The following MARVELD2 variants were observed in gnomAD, a reference collection of about 807,000 sequenced individuals.
MARVELD2 encodes MARVEL domain containing 2.
Under a neutral mutation model 57.6 loss-of-function variants are expected in MARVELD2, and 49 were observed. The ratio of observed to expected loss-of-function variants is 0.85; its 90% confidence interval spans 0.68 to 1.08. MARVELD2 has a LOEUF of 1.08. Among genes scored for constraint, MARVELD2 ranks in the 50% least tolerant of loss-of-function variants. The probability of loss-of-function intolerance (pLI) is 0.00; values close to 1 mark genes in which losing one functional copy is unlikely to be tolerated. For synonymous variants in MARVELD2, 238 were observed against 258.8 expected, an observed-to-expected ratio of 0.92 and a Z score of 0.77; for missense variants, 606 against 701.1, an observed-to-expected ratio of 0.86 and a Z score of 1.53.
chr5:69,437,592 G>C (rs1463026628), intron 5 of MARVELD2, among the ~76,000 whole-genome samples: 5 of 151,684 alleles, frequency 3.3e-5, no homozygotes, highest in African/African-American at 9.7e-5. Flanking sequence ...GCTGAGGCAG[G>C]AGAATGGCTT....
chr5:69,432,919 T>G lies in MARVELD2; in HGVS notation c.1332-3T>G. 6.2e-7 allele frequency: 1 copy of G among 1,614,218 alleles called. No homozygotes were observed. Among genetic ancestry groups the G allele is most frequent in the Non-Finnish European group, 8.5e-7 (1 of 1,180,022 alleles). ...ATATCTTTGGCTTATGTTTTTCCCC[T>G]AGAAAATACCCTGTGATTCAGACAG... On this transcript the variant is annotated splice_polypyrimidine_tract_variant and splice_region_variant and intron_variant, in intron 4 of 6. Coordinates refer to ENST00000325631, the MANE Select transcript of MARVELD2 (RefSeq NM_001038603.3).
At chr5:69,421,740 G>C (rs1363802531) in intron 2 of MARVELD2, among the ~76,000 whole-genome samples, 1 of 151,302 alleles carries the variant, frequency 6.6e-6, no homozygotes, top group Non-Finnish European at 1.5e-5. Context: ...GGGATTACAG[G>C]TGTGAGCCAC....
intron 5 of MARVELD2, among the ~76,000 whole-genome samples, chr5:69,436,784 C>G (rs768886786): frequency 2.0e-5 from 3 of 152,078 alleles, no homozygotes; most frequent in Non-Finnish European, 4.4e-5. Flanking sequence ...TGGATCAGCA[C>G]AGGCTGGGAA....
intron 5 of MARVELD2, among the ~76,000 whole-genome samples, chr5:69,435,698 G>C: frequency 6.8e-6 from 1 of 147,640 alleles, no homozygotes; most frequent in East Asian, 2.0e-4. Flanking sequence ...GGTTGCAGTG[G>C]GCCAAGATTG....
Position 69,420,340 on chromosome 5 carries a change from G to A in MARVELD2, c.955G>A (p.Gly319Ser), listed in dbSNP as rs1766584572. 6.2e-7 allele frequency: 1 copy of A among 1,614,112 alleles called. No individual in the cohort carries two copies. The highest frequency in any genetic ancestry group is 1.3e-5 in the African/African-American group (1 of 75,026). Residue 319 changes from glycine (G) to serine (S), a missense_variant, in exon 2 of 7, where the codon GGC becomes AGC. Physicochemically the swap from Gly to Ser is moderately conservative, Grantham distance 56. Transcript: ENST00000325631. The part of the protein sequence containing the change: ...IVYVNDTNRG[G>S]LCYYPLFNTP... ...CTATGTGAATGATACCAACCGAGGT[G>A]GCCTCTGCTACTATCCGTTATTTAA... is the stretch of plus-strand genomic sequence containing the variant.
intron 5 of MARVELD2, among the ~76,000 whole-genome samples, chr5:69,439,062 C>CCA (rs1767246856): frequency 1.1e-5 from 1 of 89,270 alleles, no homozygotes; most frequent in Non-Finnish European, 2.2e-5. Flanking sequence ...GACCCTGTCT[C>CCA]AAAAAAAAAA....
Position 69,420,182 on chromosome 5 carries a change from C to T in MARVELD2, c.797C>T (p.Thr266Ile), listed in dbSNP as rs575107578. ...GTGGTTGCTGGATTAGCTTGGATCA[C>T]CACCATTATTATTCTGGTTCTTGGC... ...VLVVAGLAWITTIIILVLGMS... is the reference protein window; with the variant it reads ...VLVVAGLAWIITIIILVLGMS... Residue 266 changes from threonine to isoleucine, a missense_variant, in exon 2 of 7, where the codon ACC becomes ATC. Physicochemically the swap from Thr to Ile is moderately conservative, Grantham distance 89 (BLOSUM62 -1). Transcript: ENST00000325631. 1 of 1,614,172 alleles carries T rather than the reference C, an allele frequency of 6.2e-7. No individual in the cohort carries two copies.
At chr5:69,424,566 C>T in intron 2 of MARVELD2, 35 bp from the exon 3 acceptor site, 1 of 1,576,180 alleles carries the variant, frequency 6.3e-7, no homozygotes, top group East Asian at 2.2e-5. Context: ...GCTTCACATG[C>T]CTTTGAAAAA....
intron 5 of MARVELD2, among the ~76,000 whole-genome samples, chr5:69,436,762 G>T (rs2150930965): frequency 1.3e-5 from 2 of 152,250 alleles, no homozygotes; most frequent in South Asian, 4.1e-4. Flanking sequence ...AAGGCATGAG[G>T]CCCCAGGAAT....
intron 5 of MARVELD2, among the ~76,000 whole-genome samples, chr5:69,435,828 A>G (rs1038168916): frequency 6.6e-6 from 1 of 151,784 alleles, no homozygotes; most frequent in Admixed American, 6.6e-5. Flanking sequence ...GCTCTGTCCA[A>G]CCATTGACAA....
At chr5:69,429,123 G>T (rs1455597669) in intron 3 of MARVELD2, among the ~76,000 whole-genome samples, 1 of 152,118 alleles carries the variant, frequency 6.6e-6, no homozygotes, top group African/African-American at 2.4e-5. Flanking sequence ...AGACCAAGTG[G>T]CGAGGCATGC....
chr5:69,435,070 G>T (rs28670985), intron 5 of MARVELD2, among the ~76,000 whole-genome samples: 125,179 of 147,706 alleles, frequency 0.85, 54,401 homozygotes, highest in Non-Finnish European at 0.95. Flanking sequence ...TCACCCAGAC[G>T]GGAGTGCAGT....
In MARVELD2 at chr5:69,419,571, C is replaced by T. The variant is rs111458976; in HGVS notation, c.186C>T (p.Tyr62=). 27 of 1,614,108 alleles carry T rather than the reference C, an allele frequency of 1.7e-5. 1 individual carries two copies. In the African/African-American group the frequency reaches 1.9e-4, roughly 11 times the overall value. ...AGCCACCATTCGGCCCAGACTTCTA[C>T]TCAAGTGACACAGAAGAACCAGCTA... ...PLQPPFGPDF[Y]SSDTEEPAIA... is the part of the protein sequence containing the mutation. The change falls in exon 2 of 7, where the codon TAC becomes TAT. Residue 62 remains tyrosine (Y), a synonymous_variant. Transcript: ENST00000325631.
chr5:69,435,918 T>C (rs1767122616), intron 5 of MARVELD2, among the ~76,000 whole-genome samples: 1 of 152,140 alleles, frequency 6.6e-6, no homozygotes, highest in Non-Finnish European at 1.5e-5. Flanking sequence ...GCTTCTTCAT[T>C]TTGCATAATG....
rs377477543 is a variant in MARVELD2, at chr5:69,420,323, A to G, written c.938A>G (p.Asn313Ser). 9.9e-6 allele frequency: 16 copies of G among 1,614,086 alleles called. No individual in the cohort carries two copies. In the Admixed American group the frequency reaches 1.0e-4, roughly 10 times the overall value. ...ATGGCCGCAGCCATAGTCTATGTGAATGATACCAACCGAGGTGGCCTCTGC... is the reference window on the plus strand; with the variant it reads ...ATGGCCGCAGCCATAGTCTATGTGAGTGATACCAACCGAGGTGGCCTCTGC... ...LYMAAAIVYVNDTNRGGLCYY... is the reference protein window; with the variant it reads ...LYMAAAIVYVSDTNRGGLCYY... Residue 313 changes from asparagine to serine, a missense_variant, in exon 2 of 7, where the codon AAT (asparagine) becomes AGT (serine). Physicochemically the swap from Asn to Ser is conservative, Grantham distance 46. Transcript: ENST00000325631.
intron 5 of MARVELD2, among the ~76,000 whole-genome samples, chr5:69,435,402 A>G (rs1220502869): frequency 6.6e-6 from 1 of 152,098 alleles, no homozygotes; most frequent in African/African-American, 2.4e-5. Context: ...TAGTATAGTT[A>G]CAGAGTTTTG....
At position 69,443,617 on chromosome 5, in the gene MARVELD2, C is replaced by G. The variant is rs1767388568; in HGVS notation, c.*1963C>G. The G allele has an allele frequency of 6.6e-6, 1 of 151,978 alleles. No individual in the cohort carries two copies. The highest frequency in any genetic ancestry group is 1.5e-5 in the Non-Finnish European group (1 of 67,996). The allele number at this position is 151,978 out of a possible 1,614,324, so 9.4% of individuals were successfully genotyped here. ...AAGTTTTTTTTTAAACAAAATCGTT[C>G]TTGTTGGATTTTATTCAGCAGCATC... On this transcript the variant is annotated 3_prime_UTR_variant, in exon 7 of 7. Transcript: ENST00000325631.
rs185635630 is a variant in MARVELD2, at chr5:69,430,683, A to G, written c.1183-1844A>G. On this transcript the variant is annotated intron_variant, in intron 3 of 6. Transcript: ENST00000325631. The stretch of plus-strand genomic sequence containing the variant: ...TGAGTAGCTGGGATTACAGGCGCAC[A>G]CCACCACATCCGGCTAATTTTTGTA... 4.4e-3 allele frequency among the ~76,000 whole-genome samples: 661 copies of G among 151,086 alleles called. 7 individuals carry two copies. The highest frequency in any genetic ancestry group is 0.016 in the African/African-American group (643 of 41,180).
chr5:69,432,629 C>T lies in MARVELD2; in HGVS notation c.1285C>T (p.Pro429Ser). 1.2e-6 allele frequency: 2 copies of T among 1,614,090 alleles called. No homozygotes were observed. The highest frequency in any genetic ancestry group is 1.7e-6 in the Non-Finnish European group (2 of 1,180,006). ...ACCTGAACTACTGAGTGGACACATC[C>T]CCCCAGGCCACATTCCTAAACCTAT... ...MKPELLSGHI[P>S]PGHIPKPIVM... is the part of the protein sequence containing the mutation. Residue 429 changes from proline to serine, a missense_variant, in exon 4 of 7, where the codon CCC becomes TCC. Pro to Ser is a moderately conservative substitution (Grantham distance 74). Transcript: ENST00000325631.
Sources: allele counts gnomAD v4.1 joint callset (sites outside exome capture counted in the v4.1 genomes callset), GRCh38; gene constraint gnomAD v4.1.1; transcripts MANE v1.5; gene names NCBI Gene and HGNC (gene_info 2026-07-23, HGNC 2026-07-21).